Variants in TAFA1 observed in about 807,000 individuals in gnomAD.
TAFA1 encodes TAFA chemokine like family member 1.
In TAFA1, 4 loss-of-function variants were observed where a neutral mutation model predicts 18.5. The observed-to-expected ratio is 0.22, with a 90% CI of 0.11 to 0.49. The LOEUF (loss-of-function observed/expected upper bound fraction) is 0.49, where lower values mean the gene tolerates loss of function less well. TAFA1 is among the 20% of genes least tolerant of loss of function. TAFA1 has a pLI of 0.98. For synonymous variants in TAFA1, 56 were observed against 55.2 expected (o/e 1.01, Z -0.06); for missense variants, 147 against 169.0 (o/e 0.87, Z 0.72).
Position 68,385,761 on chromosome 3 carries a change from C to T in TAFA1, c.119-31519C>T, listed in dbSNP as rs188376948. On this transcript the variant is annotated intron_variant, in intron 2 of 4. Coordinates refer to ENST00000478136, the MANE Select transcript of TAFA1 (RefSeq NM_213609.4). ...GTAGTTTCCTACTGGAACACAGTCA[C>T]ACTTACTCATTTACAAATTATTTGT... Among the ~76,000 whole-genome samples the T allele has an allele frequency of 2.0e-3, 300 of 152,102 alleles. 1 individual carries two copies. The highest frequency in any genetic ancestry group is 3.7e-3 in the Non-Finnish European group (252 of 67,966).
chr3:68,425,050 T>C (rs369460371), intron 3 of TAFA1, among the ~76,000 whole-genome samples: 7 of 152,028 alleles, frequency 4.6e-5, no homozygotes, highest in Admixed American at 2.0e-4. Context: ...ACTGATCCTA[T>C]ACTGATGTGA....
At chr3:68,378,969 A>G (rs532132870) in intron 2 of TAFA1, among the ~76,000 whole-genome samples, 1 of 152,272 alleles carries the variant, frequency 6.6e-6, no homozygotes, top group South Asian at 2.1e-4. Flanking sequence ...TTTCCTTTCT[A>G]AATTACCCAG....
intron 2 of TAFA1, among the ~76,000 whole-genome samples, chr3:68,091,980 A>C (rs1013350189): frequency 1.3e-5 from 2 of 152,130 alleles, no homozygotes; most frequent in African/African-American, 2.4e-5. Flanking sequence ...TAAGATACCC[A>C]GTCACAGAAT....
intron 2 of TAFA1, among the ~76,000 whole-genome samples, chr3:68,336,552 G>A (rs138259899): frequency 0.01 from 1,569 of 152,312 alleles, 18 homozygotes; most frequent in African/African-American, 0.021. Context: ...TCTATTAAGC[G>A]TAGTTTAATA....
intron 2 of TAFA1, among the ~76,000 whole-genome samples, chr3:68,237,039 C>A (rs2107128109): frequency 6.6e-6 from 1 of 152,308 alleles, no homozygotes; most frequent in African/African-American, 2.4e-5. Flanking sequence ...TGTTACAACA[C>A]AAGATATACA....
intron 3 of TAFA1, among the ~76,000 whole-genome samples, chr3:68,422,395 G>T (rs1393861528): frequency 6.6e-6 from 1 of 152,048 alleles, no homozygotes; most frequent in Non-Finnish European, 1.5e-5. Context: ...CACCACGTTT[G>T]TCCTAAACAT....
At chr3:68,234,613 T>G (rs1343886861) in intron 2 of TAFA1, among the ~76,000 whole-genome samples, 1 of 152,222 alleles carries the variant, frequency 6.6e-6, no homozygotes, top group East Asian at 1.9e-4. Flanking sequence ...CAAGTGACAC[T>G]GCTCCACTTT....
chr3:68,425,018 C>A (rs181713898), intron 3 of TAFA1, among the ~76,000 whole-genome samples: 2 of 151,966 alleles, frequency 1.3e-5, no homozygotes, highest in East Asian at 3.9e-4. Flanking sequence ...TTGCCTAAGA[C>A]TGGCTGGCCA....
intron 2 of TAFA1, among the ~76,000 whole-genome samples, chr3:68,197,981 G>A (rs530953914): frequency 3.8e-4 from 58 of 151,784 alleles, no homozygotes; most frequent in African/African-American, 1.3e-3. Flanking sequence ...GTTTACTACT[G>A]TACCCTCAGG....
At chr3:68,370,347 T>TACAC (rs2069663213) in intron 2 of TAFA1, among the ~76,000 whole-genome samples, 2 of 64,946 alleles carry the variant, frequency 3.1e-5, no homozygotes, top group Non-Finnish European at 5.3e-5. Flanking sequence ...TATATATATA[T>TACAC]ATATATACAC....
chr3:68,389,724 G>A (rs569540385), intron 2 of TAFA1, among the ~76,000 whole-genome samples: 1 of 152,174 alleles, frequency 6.6e-6, no homozygotes, highest in East Asian at 1.9e-4. Flanking sequence ...AGCAGAAGCT[G>A]GGTGGGGTGT....
At chr3:68,333,328 C>T (rs1039339448) in intron 2 of TAFA1, among the ~76,000 whole-genome samples, 6 of 152,118 alleles carry the variant, frequency 3.9e-5, no homozygotes, top group Admixed American at 3.9e-4. Flanking sequence ...AGATGATATC[C>T]TTTGCAGCAA....
intron 2 of TAFA1, among the ~76,000 whole-genome samples, chr3:68,259,258 T>C (rs964579788): frequency 6.6e-6 from 1 of 152,192 alleles, no homozygotes; most frequent in Non-Finnish European, 1.5e-5. Context: ...CTTTTCAATT[T>C]AACCTCTTTA....
At position 68,482,868 on chromosome 3, in the gene TAFA1, A is replaced by G. The variant is rs191780054; in HGVS notation, c.260-55888A>G. On this transcript the variant is annotated intron_variant, in intron 3 of 4. Coordinates refer to ENST00000478136, the MANE Select transcript of TAFA1 (RefSeq NM_213609.4). ...GGGAAGAACAGAGCAATGGAGAGAAAGAAACTAGATTCTGTTGACATAGTT... is the reference window on the plus strand; with the variant it reads ...GGGAAGAACAGAGCAATGGAGAGAAGGAAACTAGATTCTGTTGACATAGTT... 2.6e-5 allele frequency among the ~76,000 whole-genome samples: 4 copies of G among 152,330 alleles called. No homozygotes were observed. The East Asian group carries it at 7.7e-4, about 29-fold the overall frequency.
At chr3:68,370,764 C>T (rs1044518142) in intron 2 of TAFA1, among the ~76,000 whole-genome samples, 4 of 139,780 alleles carry the variant, frequency 2.9e-5, no homozygotes, top group Non-Finnish European at 6.1e-5. Flanking sequence ...GTTAAACCTC[C>T]TCGGGTGTTT....
intron 3 of TAFA1, among the ~76,000 whole-genome samples, chr3:68,454,489 T>C (rs1433902399): frequency 6.6e-6 from 1 of 152,200 alleles, no homozygotes; most frequent in African/African-American, 2.4e-5. Flanking sequence ...CTGTTTGATA[T>C]AGCCCAGAGC....
chr3:68,474,883 T>C (rs1358654799), intron 3 of TAFA1, among the ~76,000 whole-genome samples: 1 of 152,220 alleles, frequency 6.6e-6, no homozygotes, highest in Non-Finnish European at 1.5e-5. Context: ...AGTTCTTGTT[T>C]ATCACATTAG....
intron 2 of TAFA1, among the ~76,000 whole-genome samples, chr3:68,129,987 A>C (rs1223375177): frequency 6.6e-6 from 1 of 152,204 alleles, no homozygotes; most frequent in African/African-American, 2.4e-5. Context: ...ATAAAACACT[A>C]ATTTTCACAC....
intron 2 of TAFA1, among the ~76,000 whole-genome samples, chr3:68,120,195 T>TTCTTTC: frequency 1.6e-5 from 1 of 63,124 alleles, no homozygotes; most frequent in Non-Finnish European, 3.2e-5. Context: ...CTTTCTTTCT[T>TTCTTTC]TCTTTCTTTC....
Sources: allele counts gnomAD v4.1 joint callset (sites outside exome capture counted in the v4.1 genomes callset), GRCh38; gene constraint gnomAD v4.1.1; transcripts MANE v1.5; gene names NCBI Gene and HGNC (gene_info 2026-07-23, HGNC 2026-07-21).